Variants in CCDC102B observed in about 807,000 individuals in gnomAD.
CCDC102B encodes the protein coiled-coil domain-containing protein 102B.
In CCDC102B, 75 loss-of-function variants were observed where a neutral mutation model predicts 57.4. That is an observed-to-expected ratio of 1.31 (90% CI 1.08 to 1.58). The LOEUF (loss-of-function observed/expected upper bound fraction) is 1.58, where lower values mean the gene tolerates loss of function less well. Ranked by LOEUF, CCDC102B falls within the 40% of genes most tolerant of loss-of-function variation. The probability of loss-of-function intolerance (pLI) is 0.00; values close to 1 mark genes in which losing one functional copy is unlikely to be tolerated. For synonymous variants in CCDC102B, 206 were observed against 201.9 expected, an observed-to-expected ratio of 1.02 and a Z score of -0.17; for missense variants, 636 against 582.6, an observed-to-expected ratio of 1.09 and a Z score of -0.94.
At chr18:69,049,925 T>G (rs1293346188) in intron 7 of CCDC102B, among the ~76,000 whole-genome samples, 1 of 152,064 alleles carries the variant, frequency 6.6e-6, no homozygotes, top group Non-Finnish European at 1.5e-5. Flanking sequence ...TTCTCCTGCC[T>G]CAGCCTCCTG....
intron 4 of CCDC102B, among the ~76,000 whole-genome samples, chr18:68,857,070 TA>T (rs2038427484): frequency 8.3e-6 from 1 of 120,832 alleles, no homozygotes; most frequent in African/African-American, 3.2e-5. Flanking sequence ...TATTTTTATA[TA>T]TTATATATAA....
intron 6 of CCDC102B, 35 bp from the exon 7 acceptor site, chr18:69,010,899 C>A (rs2051496679): frequency 2.0e-6 from 3 of 1,506,344 alleles, no homozygotes; most frequent in Admixed American, 2.0e-5. Context: ...TCAGAATAGA[C>A]TATAAATAAT....
At position 68,722,307 on chromosome 18, in the gene CCDC102B, G is replaced by A. The variant is rs535753924; in HGVS notation, c.-67+5713G>A. The stretch of plus-strand genomic sequence containing the variant: ...GCAATTTCCCCACTCTTCCCTTGTC[G>A]TTAAATGGTCAACTGAAGCTGCAGA... On this transcript the variant is annotated intron_variant, in intron 2 of 3. Transcript: ENST00000578970. Among the ~76,000 whole-genome samples, 12 of 152,278 alleles carry A rather than the reference G, an allele frequency of 7.9e-5. No homozygotes were observed. The South Asian group carries it at 1.2e-3, about 16-fold the overall frequency.
At chr18:68,907,336 TAAAA>T (rs369141505) in intron 6 of CCDC102B, among the ~76,000 whole-genome samples, 1 of 148,048 alleles carries the variant, frequency 6.8e-6, no homozygotes, top group Non-Finnish European at 1.5e-5. Context: ...TTTTTGCAAA[TAAAA>T]AAAAAACGCC....
At chr18:68,777,619 G>A (rs12605776) in intron 2 of CCDC102B, among the ~76,000 whole-genome samples, 3,292 of 152,178 alleles carry the variant, frequency 0.022, 100 homozygotes, top group African/African-American at 0.065. Flanking sequence ...AGATCTCTAT[G>A]CTTGCAGAAA....
rs183667163 is a variant in CCDC102B at position 68,862,342 on chromosome 18, C to A, written c.937-12327C>A. On this transcript the variant is annotated intron_variant, in intron 4 of 7. Transcript: ENST00000360242. Reference sequence around the variant, plus strand: ...ATCAGCCATCAGCTAAAATGTGTAACCTTGGATTGTTGAAACAGGCACTGA... The same window carrying A: ...ATCAGCCATCAGCTAAAATGTGTAAACTTGGATTGTTGAAACAGGCACTGA... 2.2e-4 allele frequency among the ~76,000 whole-genome samples: 33 copies of A among 152,132 alleles called. No homozygotes were observed. In the East Asian group the frequency reaches 5.8e-3, roughly 27 times the overall value.
chr18:68,840,775 CTTCTA>C (rs1207182127), intron 3 of CCDC102B, among the ~76,000 whole-genome samples: 1 of 152,178 alleles, frequency 6.6e-6, no homozygotes, highest in African/African-American at 2.4e-5. Context: ...TAGATGTAAA[CTTCTA>C]TTCTAAGGTG....
Position 68,874,711 on chromosome 18 carries a change from C to G in CCDC102B, c.979C>G (p.Leu327Val), listed in dbSNP as rs781527540. ...LGQHNDEMQE[L>V]SGNIKEESKS... ...TCAACATAATGATGAAATGCAAGAA[C>G]TGTCAGGCAATATAAAGGAAGAATC... The change falls in exon 5 of 8, where the codon CTG (leucine) becomes GTG (valine). Residue 327 changes from leucine to valine, a missense_variant. By Grantham distance (32) the Leu-to-Val change is conservative. Coordinates refer to ENST00000360242, the MANE Select transcript of CCDC102B (RefSeq NM_024781.3). 8 of 1,611,890 alleles carry G rather than the reference C, an allele frequency of 5.0e-6. No homozygotes were observed. In the Admixed American group the frequency reaches 1.3e-4, roughly 27 times the overall value.
chr18:68,898,999 G>C (rs2040341233), intron 6 of CCDC102B, among the ~76,000 whole-genome samples: 3 of 151,962 alleles, frequency 2.0e-5, no homozygotes, highest in South Asian at 4.2e-4. Flanking sequence ...AGTTATTTGG[G>C]CTGGGACTAA....
chr18:68,914,111 A>G (rs962196375), intron 6 of CCDC102B, among the ~76,000 whole-genome samples: 1 of 152,234 alleles, frequency 6.6e-6, no homozygotes, highest in Non-Finnish European at 1.5e-5. Flanking sequence ...TGCAATATGC[A>G]AAATATTTTA....
chr18:68,879,891 T>A (rs1326075186), intron 5 of CCDC102B, among the ~76,000 whole-genome samples: 1 of 152,160 alleles, frequency 6.6e-6, no homozygotes, highest in Non-Finnish European at 1.5e-5. Flanking sequence ...GACATAAAGG[T>A]TCTCCACGTC....
chr18:68,792,835 A>G (rs1386154399), intron 2 of CCDC102B, among the ~76,000 whole-genome samples: 1 of 152,220 alleles, frequency 6.6e-6, no homozygotes, highest in Non-Finnish European at 1.5e-5. Flanking sequence ...TTGACAAAAT[A>G]TAAATATAGT....
At chr18:68,879,609 T>A (rs1030754358) in intron 5 of CCDC102B, among the ~76,000 whole-genome samples, 6 of 151,946 alleles carry the variant, frequency 3.9e-5, no homozygotes, top group Non-Finnish European at 8.8e-5. Flanking sequence ...ATACAGAGTG[T>A]TGATTGGTGC....
At chr18:68,953,355 C>CT (rs5825890) in intron 6 of CCDC102B, among the ~76,000 whole-genome samples, 47,682 of 125,286 alleles carry the variant, frequency 0.38, 9,922 homozygotes, top group Non-Finnish European at 0.45. Flanking sequence ...CAATACTTGT[C>CT]TTTTTTTTTT....
intron 6 of CCDC102B, among the ~76,000 whole-genome samples, chr18:68,953,041 A>G (rs1029387892): frequency 6.6e-6 from 1 of 152,140 alleles, no homozygotes; most frequent in Non-Finnish European, 1.5e-5. Context: ...ATTTTAAAGG[A>G]ATCAAATGAA....
chr18:68,901,378 G>A (rs932945856), intron 6 of CCDC102B, among the ~76,000 whole-genome samples: 2 of 152,120 alleles, frequency 1.3e-5, no homozygotes, highest in Non-Finnish European at 2.9e-5. Context: ...TATTTCATGG[G>A]TGGCACACAA....
chr18:68,790,841 C>G, intron 2 of CCDC102B, among the ~76,000 whole-genome samples: 1 of 152,198 alleles, frequency 6.6e-6, no homozygotes, highest in Non-Finnish European at 1.5e-5. Flanking sequence ...ATTCAGCCAT[C>G]TTGGCTCCTC....
intron 5 of CCDC102B, among the ~76,000 whole-genome samples, chr18:68,876,988 T>G (rs2144939941): frequency 6.6e-6 from 1 of 152,336 alleles, no homozygotes; most frequent in Admixed American, 6.5e-5. Flanking sequence ...CTGTAATCAT[T>G]TATCCAGGAA....
chr18:68,852,417 T>C (rs577632681), intron 4 of CCDC102B, among the ~76,000 whole-genome samples: 30 of 152,286 alleles, frequency 2.0e-4, no homozygotes, highest in Admixed American at 9.8e-4. Flanking sequence ...GTCCCTTACA[T>C]AAAATGGCAT....
Sources: allele counts gnomAD v4.1 joint callset (sites outside exome capture counted in the v4.1 genomes callset), GRCh38; gene constraint gnomAD v4.1.1; transcripts MANE v1.5; gene names NCBI Gene and HGNC (gene_info 2026-07-23, HGNC 2026-07-21).